FHIT: variants seen among roughly 807,000 people sequenced by gnomAD.
The protein encoded by FHIT is fragile histidine triad diadenosine triphosphatase.
FHIT carries 19 observed loss-of-function variants against 17.9 expected under a neutral mutation model. That is an observed-to-expected ratio of 1.06 (90% confidence interval 0.74 to 1.56). The LOEUF (loss-of-function observed/expected upper bound fraction) is 1.56. FHIT is among the 40% of genes most tolerant of loss of function. The probability of loss-of-function intolerance (pLI) is 0.00; values close to 1 mark genes in which losing one functional copy is unlikely to be tolerated. For synonymous variants in FHIT, 81 were observed against 69.7 expected (o/e 1.16, Z -0.81); for missense variants, 248 against 189.2 (o/e 1.31, Z -1.82).
rs566173591 is a variant in FHIT at position 60,245,203 on chromosome 3, C to A, written c.104-231051G>T. Among the ~76,000 whole-genome samples, 5 of 152,112 alleles carry A rather than the reference C, an allele frequency of 3.3e-5. No homozygotes were observed. The East Asian group carries it at 9.7e-4, about 29-fold the overall frequency. On this transcript the variant is annotated intron_variant, in intron 5 of 9. Coordinates refer to ENST00000492590, the MANE Select transcript of FHIT (RefSeq NM_002012.4). The stretch of plus-strand genomic sequence containing the variant: ...CACAATAAATCAGTACTGAAACATA[C>A]TTTATATCTAAAATTATCTGTATGT...
intron 4 of FHIT, among the ~76,000 whole-genome samples, chr3:60,635,499 C>A (rs1553683581): frequency 1.3e-5 from 2 of 152,190 alleles, no homozygotes; most frequent in South Asian, 4.1e-4. Context: ...ACCTCTACTA[C>A]CTGGCTCCAT....
intron 3 of FHIT, among the ~76,000 whole-genome samples, chr3:60,860,120 A>ATGATATATCTGATATATGATATACAT (rs1559777931): frequency 9.8e-6 from 1 of 102,032 alleles, no homozygotes; most frequent in Non-Finnish European, 2.1e-5. Context: ...ATGATATATA[A>ATGATATATCTGATATATGATATACAT]ATGATATATC....
At position 60,676,930 on chromosome 3, in the gene FHIT, C is replaced by T. The variant is rs371862210; in HGVS notation, c.-17-139951G>A. Among the ~76,000 whole-genome samples, 6 of 152,170 alleles carry T rather than the reference C, an allele frequency of 3.9e-5. No individual in the cohort carries two copies. The South Asian group carries it at 6.2e-4, about 16-fold the overall frequency. ...CATAATGTCACCTAGGCTGGAATGCCGTGGCGCCATCTTGGCTCACTACAA... is the reference window on the plus strand; with the variant it reads ...CATAATGTCACCTAGGCTGGAATGCTGTGGCGCCATCTTGGCTCACTACAA... On this transcript the variant is annotated intron_variant, in intron 4 of 9. Coordinates refer to ENST00000492590, the MANE Select transcript of FHIT (RefSeq NM_002012.4).
intron 4 of FHIT, among the ~76,000 whole-genome samples, chr3:60,656,934 A>G (rs1553689733): frequency 6.6e-6 from 1 of 151,672 alleles, no homozygotes; most frequent in East Asian, 2.0e-4. Flanking sequence ...GCTATATGGT[A>G]TGTGCTCAGC....
intron 4 of FHIT, among the ~76,000 whole-genome samples, chr3:60,799,020 T>G (rs1163467594): frequency 6.6e-6 from 1 of 152,142 alleles, no homozygotes; most frequent in Non-Finnish European, 1.5e-5. Context: ...CTGCAATAGG[T>G]TTTTTATTGC....
At chr3:59,935,375 C>G (rs1205089012) in intron 7 of FHIT, among the ~76,000 whole-genome samples, 5 of 151,938 alleles carry the variant, frequency 3.3e-5, no homozygotes, top group African/African-American at 1.2e-4. Context: ...CTTTCCTTTT[C>G]TTCCTCTGAG....
intron 4 of FHIT, among the ~76,000 whole-genome samples, chr3:60,537,211 G>T (rs933823824): frequency 7.9e-5 from 12 of 152,104 alleles, no homozygotes; most frequent in African/African-American, 2.9e-4. Context: ...TCAAGCAGAA[G>T]CTTCCACGTG....
At chr3:60,354,477 C>A (rs968545889) in intron 5 of FHIT, among the ~76,000 whole-genome samples, 4 of 152,078 alleles carry the variant, frequency 2.6e-5, no homozygotes, top group African/African-American at 9.7e-5. Context: ...AAGCCCCAAG[C>A]CAACCCAGTC....
At chr3:60,393,988 G>A (rs1309376765) in intron 5 of FHIT, among the ~76,000 whole-genome samples, 1 of 152,100 alleles carries the variant, frequency 6.6e-6, no homozygotes, top group Non-Finnish European at 1.5e-5. Context: ...GCTGGACCAA[G>A]AGCAAACTCT....
chr3:60,890,221 TAAAAAAAAA>T (rs59950717), intron 3 of FHIT, among the ~76,000 whole-genome samples: 71,181 of 115,828 alleles, frequency 0.61, 23,702 homozygotes, highest in East Asian at 0.97. Flanking sequence ...TTCCATGATG[TAAAAAAAAA>T]AAAAAAAAAA....
chr3:60,725,457 T>C (rs2041898692), intron 4 of FHIT, among the ~76,000 whole-genome samples: 1 of 152,198 alleles, frequency 6.6e-6, no homozygotes, highest in South Asian at 2.1e-4. Context: ...TAAGGTAATT[T>C]TTGTATACAG....
At chr3:60,816,434 G>GT (rs1247326592) in intron 4 of FHIT, among the ~76,000 whole-genome samples, 1 of 151,926 alleles carries the variant, frequency 6.6e-6, no homozygotes, top group Non-Finnish European at 1.5e-5. Flanking sequence ...CTTTCTTGAA[G>GT]TTTTTTATCA....
At chr3:60,672,661 T>C (rs912582775) in intron 4 of FHIT, among the ~76,000 whole-genome samples, 2 of 152,196 alleles carry the variant, frequency 1.3e-5, no homozygotes, top group Non-Finnish European at 2.9e-5. Flanking sequence ...ACAGTATCCA[T>C]ATTGACAATC....
intron 5 of FHIT, among the ~76,000 whole-genome samples, chr3:60,141,367 G>A (rs774016723): frequency 4.8e-4 from 70 of 146,254 alleles, no homozygotes; most frequent in Non-Finnish European, 8.9e-4. Flanking sequence ...ATGATATTGA[G>A]ACAGCATGAT....
At chr3:60,923,004 C>T (rs1553768788) in intron 3 of FHIT, among the ~76,000 whole-genome samples, 1 of 152,194 alleles carries the variant, frequency 6.6e-6, no homozygotes, top group Non-Finnish European at 1.5e-5. Context: ...CAGTAAACAT[C>T]TTGCTTCATT....
At chr3:60,450,064 G>C (rs9852328) in intron 5 of FHIT, among the ~76,000 whole-genome samples, 28,752 of 149,432 alleles carry the variant, frequency 0.19, 4,222 homozygotes, top group African/African-American at 0.4. Flanking sequence ...CCTATATAGA[G>C]CACTTAACAT....
intron 3 of FHIT, among the ~76,000 whole-genome samples, chr3:60,827,667 T>G (rs1702176735): frequency 6.6e-6 from 1 of 152,188 alleles, no homozygotes; most frequent in African/African-American, 2.4e-5. Flanking sequence ...AATGAACAAA[T>G]GAAGTATGTG....
intron 7 of FHIT, among the ~76,000 whole-genome samples, chr3:59,953,227 C>A (rs546773510): frequency 6.6e-6 from 1 of 151,826 alleles, no homozygotes; most frequent in Admixed American, 6.5e-5. Flanking sequence ...TACGTGTGTA[C>A]CTCTTTCTTG....
chr3:59,773,110 A>AT (rs1385795157), intron 8 of FHIT, among the ~76,000 whole-genome samples: 1 of 152,140 alleles, frequency 6.6e-6, no homozygotes, highest in Non-Finnish European at 1.5e-5. Flanking sequence ...GGGGTCCACA[A>AT]TTCAGTTGTA....
Sources: gnomAD v4.1 joint callset for allele counts (sites outside exome capture counted in the v4.1 genomes callset) on GRCh38, gnomAD v4.1.1 for gene constraint, MANE v1.5 for transcripts, NCBI Gene and HGNC (gene_info 2026-07-23, HGNC 2026-07-21) for gene names.